RGS7: variants seen among roughly 807,000 people sequenced by gnomAD.
RGS7 encodes the protein regulator of G protein signaling 7.
RGS7 carries 27 observed loss-of-function variants against 81.1 expected under a neutral mutation model. That is an observed-to-expected ratio of 0.33 (90% CI 0.25 to 0.46). RGS7 has a LOEUF of 0.46. Ranked by LOEUF, RGS7 falls within the 20% of genes least tolerant of loss-of-function variation. The pLI is 1.00. For synonymous variants in RGS7, 208 were observed against 207.7 expected, an observed-to-expected ratio of 1.00 and a Z score of -0.01; for missense variants, 396 against 607.4, an observed-to-expected ratio of 0.65 and a Z score of 3.66.
intron 3 of RGS7, among the ~76,000 whole-genome samples, chr1:241,014,825 G>A (rs1276988953): frequency 2.0e-5 from 3 of 152,154 alleles, no homozygotes; most frequent in East Asian, 3.8e-4. Context: ...TCTGGTGATC[G>A]GAAAAGGCAT....
intron 14 of RGS7, among the ~76,000 whole-genome samples, chr1:240,811,222 T>C (rs1024619512): frequency 6.6e-6 from 1 of 152,266 alleles, no homozygotes; most frequent in Non-Finnish European, 1.5e-5. Context: ...AACAGTCTTA[T>C]ATAGTGGAAA....
chr1:240,931,457 A>ATTTTGTTGTGT (rs1675424723), intron 5 of RGS7, among the ~76,000 whole-genome samples: 1 of 152,336 alleles, frequency 6.6e-6, no homozygotes, highest in East Asian at 1.9e-4. Context: ...AACACAAAGA[A>ATTTTGTTGTGT]TAAATGCTTG....
intron 2 of RGS7, among the ~76,000 whole-genome samples, chr1:241,309,496 G>A (rs1278786394): frequency 6.6e-6 from 1 of 152,088 alleles, no homozygotes. Flanking sequence ...ATTGTAGGCT[G>A]CTGTAAAGAA....
chr1:241,189,042 A>G (rs1558170150), intron 2 of RGS7, among the ~76,000 whole-genome samples: 1 of 152,038 alleles, frequency 6.6e-6, no homozygotes, highest in East Asian at 1.9e-4. Context: ...TGGTGCAGTC[A>G]TAGCTCACTG....
intron 10 of RGS7, among the ~76,000 whole-genome samples, chr1:240,824,357 T>G (rs1217434310): frequency 2.0e-5 from 3 of 152,224 alleles, no homozygotes; most frequent in Non-Finnish European, 4.4e-5. Context: ...ATTATCTGCT[T>G]TCAAAGTTTA....
At chr1:241,230,411 G>A (rs1026734607) in intron 2 of RGS7, among the ~76,000 whole-genome samples, 10 of 151,930 alleles carry the variant, frequency 6.6e-5, no homozygotes, top group African/African-American at 1.5e-4. Flanking sequence ...AGAGGGTTTC[G>A]CCATGTTAGT....
intron 9 of RGS7, among the ~76,000 whole-genome samples, chr1:240,844,755 A>C (rs1344867704): frequency 6.6e-6 from 1 of 152,240 alleles, no homozygotes; most frequent in African/African-American, 2.4e-5. Flanking sequence ...TAATAGACAG[A>C]AATGCTGTTC....
At chr1:241,334,027 T>C (rs1319292461) in intron 2 of RGS7, among the ~76,000 whole-genome samples, 1 of 150,364 alleles carries the variant, frequency 6.7e-6, no homozygotes, top group Non-Finnish European at 1.5e-5. Context: ...TATTGATCTG[T>C]ATATACATAT....
chr1:241,227,825 T>G (rs2075409705), intron 2 of RGS7, among the ~76,000 whole-genome samples: 1 of 152,204 alleles, frequency 6.6e-6, no homozygotes, highest in Non-Finnish European at 1.5e-5. Flanking sequence ...GGCTGGGGAC[T>G]CCTTATCATG....
At chr1:241,333,085 G>T (rs953250217) in intron 2 of RGS7, among the ~76,000 whole-genome samples, 16 of 152,150 alleles carry the variant, frequency 1.1e-4, no homozygotes, top group African/African-American at 3.6e-4. Flanking sequence ...GGTCTTTCAG[G>T]GACAGGAAAA....
chr1:241,299,324 T>C (rs1042756885), intron 2 of RGS7, among the ~76,000 whole-genome samples: 2 of 152,066 alleles, frequency 1.3e-5, no homozygotes, highest in African/African-American at 2.4e-5. Context: ...ACTGACCATA[T>C]CTTGTGTGCC....
chr1:241,278,864 C>T (rs547749767), intron 2 of RGS7, among the ~76,000 whole-genome samples: 2 of 152,334 alleles, frequency 1.3e-5, no homozygotes, highest in African/African-American at 4.8e-5. Flanking sequence ...GGATGGCACA[C>T]ACCTTCTAGT....
At chr1:240,874,714 C>T (rs1665070222) in intron 6 of RGS7, among the ~76,000 whole-genome samples, 1 of 152,282 alleles carries the variant, frequency 6.6e-6, no homozygotes, top group Non-Finnish European at 1.5e-5. Flanking sequence ...CGTCACTTCA[C>T]ATTCTTACCA....
intron 2 of RGS7, among the ~76,000 whole-genome samples, chr1:241,329,059 T>G (rs2081798594): frequency 6.6e-6 from 1 of 152,252 alleles, no homozygotes; most frequent in Non-Finnish European, 1.5e-5. Context: ...TAACCATTGC[T>G]GTTATGCACT....
At chr1:240,935,904 G>C (rs74339758) in intron 5 of RGS7, among the ~76,000 whole-genome samples, 7,654 of 152,246 alleles carry the variant, frequency 0.05, 208 homozygotes, top group African/African-American at 0.069. Context: ...TTACAGGCTA[G>C]AATCTGCTAA....
At chr1:240,782,328 G>C (rs1684260085) in intron 18 of RGS7, among the ~76,000 whole-genome samples, 1 of 152,208 alleles carries the variant, frequency 6.6e-6, no homozygotes, top group South Asian at 2.1e-4. Flanking sequence ...ATCATTTTCA[G>C]TGCAGTTCCT....
chr1:241,186,119 A>C (rs561592203), intron 2 of RGS7, among the ~76,000 whole-genome samples: 1 of 152,322 alleles, frequency 6.6e-6, no homozygotes, highest in South Asian at 2.1e-4. Flanking sequence ...AATTATCAAT[A>C]TCAGGGAAAA....
chr1:241,324,008 T>C (rs2081352301), intron 2 of RGS7, among the ~76,000 whole-genome samples: 1 of 152,190 alleles, frequency 6.6e-6, no homozygotes, highest in South Asian at 2.1e-4. Context: ...CAATTTATCA[T>C]GTTTAAAATG....
rs749027751 is a variant in RGS7 at position 240,983,146 on chromosome 1, GA to G, written c.176-18del. On this transcript the variant is annotated intron_variant, in intron 3 of 18. Coordinates refer to ENST00000440928, the MANE Select transcript of RGS7 (RefSeq NM_001364886.1). ...TGTCTGAACCTAGAAAAAGAAAAAA[GA>G]AAAACACAAACAGATGTGAACATTT... 2.0e-5 allele frequency: 28 copies of G among 1,398,394 alleles called. No homozygotes were observed. The highest frequency in any genetic ancestry group is 2.7e-5 in the Non-Finnish European group (27 of 1,003,256). 86.6% of individuals were successfully genotyped at this position (1,398,394 alleles called of 1,614,324 possible). A position where few individuals can be genotyped will look rare whatever the true frequency, so the allele number is the denominator to read the frequency against.
Sources: gnomAD v4.1 joint callset for allele counts (sites outside exome capture counted in the v4.1 genomes callset) on GRCh38, gnomAD v4.1.1 for gene constraint, MANE v1.5 for transcripts, NCBI Gene and HGNC (gene_info 2026-07-23, HGNC 2026-07-21) for gene names.